Variants in ZNF787 observed in about 807,000 individuals in gnomAD.
ZNF787 encodes zinc finger protein 787.
ZNF787 carries 7 observed loss-of-function variants against 16.9 expected under a neutral mutation model. The observed-to-expected ratio is 0.42, with a 90% CI of 0.24 to 0.78. ZNF787 has a LOEUF of 0.78. ZNF787 is among the 30% of genes least tolerant of loss of function. The pLI is 0.30. For synonymous variants in ZNF787, 345 were observed against 270.9 expected (o/e 1.27, Z -2.69); for missense variants, 551 against 589.3 (o/e 0.94, Z 0.67).
intron 2 of ZNF787, among the ~76,000 whole-genome samples, chr19:56,094,351 C>CT (rs1985787692): frequency 8.6e-5 from 13 of 150,380 alleles, no homozygotes; most frequent in Admixed American, 7.9e-4. Flanking sequence ...TGTGTGTGCT[C>CT]TTAGTAGAGA....
At chr19:56,107,356 G>A (rs892417897) in intron 1 of ZNF787, among the ~76,000 whole-genome samples, 5 of 152,184 alleles carry the variant, frequency 3.3e-5, no homozygotes, top group African/African-American at 9.7e-5. Context: ...CAAATCCCAC[G>A]TGGGAACATG....
chr19:56,109,973 C>A (rs1011421781), intron 1 of ZNF787, among the ~76,000 whole-genome samples: 1 of 152,236 alleles, frequency 6.6e-6, no homozygotes, highest in Non-Finnish European at 1.5e-5. Flanking sequence ...AGGAGGGAAG[C>A]CACTGCACGC....
At position 56,088,005 on chromosome 19, in the gene ZNF787, C is replaced by A. The variant is rs1250914120; in HGVS notation, c.*18G>T. The A allele has an allele frequency of 6.7e-6, 8 of 1,191,808 alleles. No individual in the cohort carries two copies. Among genetic ancestry groups the A allele is most frequent in the Non-Finnish European group, 6.3e-6 (6 of 959,026 alleles). The allele number at this position is 1,191,808 out of a possible 1,614,324, so 73.8% of individuals were successfully genotyped here. On this transcript the variant is annotated 3_prime_UTR_variant, in exon 3 of 3. Transcript: ENST00000610935. The surrounding 1 kb of genome is among the most constrained non-coding windows in gnomAD (Gnocchi z 8.6). ...AAGCCCGAGGGGCCCTGCCCGCCCC[C>A]CCCCCCGGGCCCCTCCCCTACCGGC...
intron 1 of ZNF787, among the ~76,000 whole-genome samples, chr19:56,118,886 T>C (rs1457385839): frequency 6.6e-6 from 1 of 152,114 alleles, no homozygotes; most frequent in Non-Finnish European, 1.5e-5. Flanking sequence ...CTGTGACCCC[T>C]GCCATTCCCT....
rs1233202462 is a variant in ZNF787, at chr19:56,087,983, C to G, written c.*40G>C. ...CTTGCACGTCGTCGCTCCCGCCAAG[C>G]CCGAGGGGCCCTGCCCGCCCCCCCC... On this transcript the variant is annotated 3_prime_UTR_variant, in exon 3 of 3. Transcript: ENST00000610935. 3.1e-6 allele frequency: 4 copies of G among 1,297,548 alleles called. No homozygotes were observed. The highest frequency in any genetic ancestry group is 3.9e-6 in the Non-Finnish European group (4 of 1,027,034). 80.4% of individuals were successfully genotyped at this position (1,297,548 alleles called of 1,614,324 possible).
chr19:56,108,999 AGAGACCCACGCCGG>A (rs993156826), intron 1 of ZNF787, among the ~76,000 whole-genome samples: 190 of 152,188 alleles, frequency 1.2e-3, no homozygotes, highest in Admixed American at 0.01. Flanking sequence ...GAGGAACTCA[AGAGACCCACGCCGG>A]GGAGGTGGGT....
At chr19:56,096,758 G>A (rs575243818) in intron 2 of ZNF787, among the ~76,000 whole-genome samples, 1 of 152,126 alleles carries the variant, frequency 6.6e-6, no homozygotes, top group African/African-American at 2.4e-5. Context: ...AAAATAAAGA[G>A]AGATGAGGGT....
At chr19:56,100,640 G>A (rs1255541014) in intron 2 of ZNF787, among the ~76,000 whole-genome samples, 55 of 126,928 alleles carry the variant, frequency 4.3e-4, no homozygotes, top group Middle Eastern at 4.1e-3. Context: ...GCCAACACCC[G>A]CCACCCCACC....
At chr19:56,095,265 G>A (rs1599943232) in intron 2 of ZNF787, among the ~76,000 whole-genome samples, 1 of 152,204 alleles carries the variant, frequency 6.6e-6, no homozygotes, top group African/African-American at 2.4e-5. Context: ...CCCCAAGTGT[G>A]GCCCAGTTCC....
In ZNF787 at chr19:56,088,474, A is replaced by C; in HGVS notation, c.698T>G (p.Ile233Ser). Residue 233 changes from isoleucine to serine, a missense_variant, in exon 3 of 3, where the codon ATC becomes AGC. Around this residue, in one of 4 missense-constraint regions of ZNF787, gnomAD observed 392 missense variants for 312.7 expected, o/e 1.25. Coordinates refer to ENST00000610935, the MANE Select transcript of ZNF787 (RefSeq NM_001002836.4). The surrounding 1 kb of genome is among the most constrained non-coding windows in gnomAD (Gnocchi z 8.6). ...CTCGCCATCGCCCACGGGGATGGCG[A>C]TCTCGCCGTCCGCCGCCACCGCCTC... ...PEEAVAADGEIAIPVGDGEGI... is the reference protein window; with the variant it reads ...PEEAVAADGESAIPVGDGEGI... 7.5e-7 allele frequency: 1 copy of C among 1,334,030 alleles called. No individual in the cohort carries two copies. The highest frequency in any genetic ancestry group is 9.6e-7 in the Non-Finnish European group (1 of 1,044,324). The allele number at this position is 1,334,030 out of a possible 1,614,324, so 82.6% of individuals were successfully genotyped here. A position where few individuals can be genotyped will look rare whatever the true frequency, so the allele number is the denominator to read the frequency against.
At chr19:56,120,931 C>A (rs1270826991) in intron 1 of ZNF787, among the ~76,000 whole-genome samples, 2 of 139,630 alleles carry the variant, frequency 1.4e-5, no homozygotes, top group Non-Finnish European at 3.2e-5. Context: ...CCCCGCTCGC[C>A]GCCCGCGGGC....
Position 56,087,793 on chromosome 19 carries a change from AG to A in ZNF787, c.*229del. The A allele has an allele frequency of 1.6e-6, 1 of 614,420 alleles. No individual in the cohort carries two copies. Among genetic ancestry groups the A allele is most frequent in the Non-Finnish European group, 2.3e-6 (1 of 435,988 alleles). The allele number at this position is 614,420 out of a possible 1,614,324, so 38.1% of individuals were successfully genotyped here. On this transcript the variant is annotated 3_prime_UTR_variant, in exon 3 of 3. Coordinates refer to ENST00000610935, the MANE Select transcript of ZNF787 (RefSeq NM_001002836.4). ...CGGCTCGCAGGCCGATAACTTAGGA[AG>A]GGCGGGCCAGGCTGAGGGGGCAGAG...
chr19:56,088,946 T>C lies in ZNF787; in HGVS notation c.226A>G (p.Ser76Gly). ...TGCCGCGTCAGCTTGGACCAGTGGC[T>C]AAAGCTCTTGCCACACTCGTTGCAG... ...YICNECGKSF[S>G]HWSKLTRHQR... Residue 76 changes from serine to glycine, a missense_variant, in exon 3 of 3, where the codon AGC becomes GGC. Ser to Gly is a moderately conservative substitution (Grantham distance 56). Coordinates refer to ENST00000610935, the MANE Select transcript of ZNF787 (RefSeq NM_001002836.4). This position sits in a 1 kb window ranked among gnomAD's most constrained non-coding sequence, Gnocchi z 8.6. 1 of 1,568,878 alleles carries C rather than the reference T, an allele frequency of 6.4e-7. No homozygotes were observed. Among genetic ancestry groups the C allele is most frequent in the Non-Finnish European group, 8.6e-7 (1 of 1,157,674 alleles).
chr19:56,102,502 A>C, intron 2 of ZNF787: 1 of 206,286 alleles, frequency 4.8e-6, no homozygotes, highest in Non-Finnish European at 9.7e-6. Flanking sequence ...TTCGCAAGCA[A>C]ACCTGGGCCC....
intron 2 of ZNF787, among the ~76,000 whole-genome samples, chr19:56,101,329 G>A (rs533734): frequency 0.9 from 137,491 of 152,302 alleles, 62,855 homozygotes; most frequent in Non-Finnish European, 0.99. Context: ...AGGGCGTCAC[G>A]CAGGGGTGAT....
intron 1 of ZNF787, among the ~76,000 whole-genome samples, chr19:56,108,977 T>G (rs1040768645): frequency 6.6e-6 from 1 of 151,948 alleles, no homozygotes; most frequent in African/African-American, 2.4e-5. Flanking sequence ...AGGTTCCGAA[T>G]GGGGAAACCG....
intron 1 of ZNF787, among the ~76,000 whole-genome samples, chr19:56,116,857 C>G (rs1444526753): frequency 6.6e-6 from 1 of 152,212 alleles, no homozygotes; most frequent in Admixed American, 6.5e-5. Flanking sequence ...GCTCCCTTCC[C>G]TCAGCTCTAT....
intron 1 of ZNF787, among the ~76,000 whole-genome samples, chr19:56,107,917 G>GAGAGCTTGAAGGCC (rs2029879574): frequency 6.6e-6 from 1 of 152,094 alleles, no homozygotes; most frequent in African/African-American, 2.4e-5. Context: ...GGCTGCGGGA[G>GAGAGCTTGAAGGCC]GGGCTGCAGG....
chr19:56,112,713 C>G (rs1025824073), intron 1 of ZNF787, among the ~76,000 whole-genome samples: 1 of 151,956 alleles, frequency 6.6e-6, no homozygotes, highest in Admixed American at 6.6e-5. Flanking sequence ...TCCTTCCCCC[C>G]AAGTCATCCT....
Sources: gnomAD v4.1 joint callset for allele counts (sites outside exome capture counted in the v4.1 genomes callset) on GRCh38, gnomAD v4.1.1 for gene constraint, gnomAD v4.1.1 regional missense constraint, Gnocchi (gnomAD v3.1) non-coding constraint, MANE v1.5 for transcripts, NCBI Gene and HGNC (gene_info 2026-07-23, HGNC 2026-07-21) for gene names.